KASH5: variants seen among roughly 807,000 people sequenced by gnomAD.
KASH5 encodes the protein protein KASH5.
Under a neutral mutation model 84.2 loss-of-function variants are expected in KASH5, and 72 were observed. The ratio of observed to expected loss-of-function variants is 0.85; its 90% CI spans 0.71 to 1.04. The LOEUF (loss-of-function observed/expected upper bound fraction) is 1.04. KASH5 is among the 50% of genes least tolerant of loss of function. KASH5 has a pLI of 0.00. For missense variants in KASH5, 650 were observed against 701.0 expected (o/e 0.93, Z 0.82); for synonymous variants, 260 against 279.1 (o/e 0.93, Z 0.68).
In KASH5 at chr19:49,406,905, A is replaced by C. The variant is rs2122184253; in HGVS notation, c.818A>C (p.Glu273Ala). 6.2e-7 allele frequency: 1 copy of C among 1,606,428 alleles called. No homozygotes were observed. Among genetic ancestry groups the C allele is most frequent in the Admixed American group, 1.7e-5 (1 of 59,012 alleles). Reference protein sequence around the residue: ...LQEENGKLLAERDGVKKRSQE... With the variant: ...LQEENGKLLAARDGVKKRSQE... ...TTCTAGAACGGGAAGCTGCTTGCCG[A>C]GCGGGATGGAGTGAAAAAGAGAAGT... is the stretch of plus-strand genomic sequence containing the variant. The change falls in exon 10 of 20, where the codon GAG becomes GCG. Residue 273 changes from glutamate to alanine, a missense_variant. Glu to Ala is a moderately radical substitution (Grantham distance 107). Transcript: ENST00000447857.
intron 9 of KASH5, among the ~76,000 whole-genome samples, chr19:49,401,553 T>C (rs1393959373): frequency 6.6e-6 from 1 of 152,144 alleles, no homozygotes; most frequent in Non-Finnish European, 1.5e-5. Flanking sequence ...CTGAGAGTGC[T>C]CTGGGAAGTA....
chr19:49,407,656 C>A lies in KASH5; in HGVS notation c.978C>A (p.Tyr326Ter). The change falls in exon 12 of 20, where the codon TAC becomes TAA. Residue 326 changes from tyrosine (Y) to a stop codon, truncating the protein, a stop_gained. Coordinates refer to ENST00000447857, the MANE Select transcript of KASH5 (RefSeq NM_144688.5). LOFTEE classifies it high-confidence loss of function. The part of the protein sequence containing the change: ...VESLAQTLEE[Y>*]RVTTQELRLE... ...GCCTGGCCCAGACCCTGGAAGAATA[C>A]AGAGTGACGACGCAGGTAACTCAGC... 6.2e-7 allele frequency: 1 copy of A among 1,604,862 alleles called. No homozygotes were observed. Among genetic ancestry groups the A allele is most frequent in the Non-Finnish European group, 8.5e-7 (1 of 1,175,740 alleles).
At chr19:49,405,956 CAA>C (rs59895865) in intron 9 of KASH5, among the ~76,000 whole-genome samples, 49 of 67,824 alleles carry the variant, frequency 7.2e-4, no homozygotes, top group Admixed American at 1.1e-3. Flanking sequence ...AACTCCGTCT[CAA>C]AAAAAAAAAA....
At chr19:49,394,143 G>C (rs11083973) in intron 2 of KASH5, among the ~76,000 whole-genome samples, 48,051 of 151,922 alleles carry the variant, frequency 0.32, 8,750 homozygotes, top group African/African-American at 0.51. Context: ...TGCCCTCCCC[G>C]ACCCTGTCCC....
At chr19:49,389,023 A>T (rs1339418713) in intron 1 of KASH5, among the ~76,000 whole-genome samples, 1 of 151,598 alleles carries the variant, frequency 6.6e-6, no homozygotes. Flanking sequence ...CCCCCGCAGA[A>T]ATCAAGACCC....
Position 49,395,138 on chromosome 19 carries a change from C to T in KASH5, c.181C>T (p.Leu61=), listed in dbSNP as rs1451592912. The part of the protein sequence containing the change: ...TVAVAQVLAY[L]EAVTGQGPQD... Reference sequence around the variant, plus strand: ...GGCTGTGGCCCAGGTGCTGGCCTACCTGGAGGCTGTGACAGGCCAGGGCCC... The same window carrying T: ...GGCTGTGGCCCAGGTGCTGGCCTACTTGGAGGCTGTGACAGGCCAGGGCCC... Residue 61 remains leucine (L), a synonymous_variant, in exon 4 of 20, where the codon CTG becomes TTG. Transcript: ENST00000447857. The surrounding 1 kb of genome is among the most constrained non-coding windows in gnomAD (Gnocchi z 4.4). The T allele has an allele frequency of 3.7e-6, 6 of 1,611,712 alleles. No homozygotes were observed. Among genetic ancestry groups the T allele is most frequent in the South Asian group, 2.2e-5 (2 of 90,956 alleles).
chr19:49,400,215 G>T (rs182940987), intron 9 of KASH5, among the ~76,000 whole-genome samples: 4 of 117,188 alleles, frequency 3.4e-5, no homozygotes, highest in Admixed American at 1.0e-4. Flanking sequence ...ATGACAGAGC[G>T]AGAGCCTCTC....
intron 15 of KASH5, among the ~76,000 whole-genome samples, chr19:49,410,115 G>T (rs1360267348): frequency 6.6e-6 from 1 of 152,216 alleles, no homozygotes; most frequent in Non-Finnish European, 1.5e-5. Flanking sequence ...CACACAAGTT[G>T]CACTGTGGCT....
At chr19:49,389,758 A>G (rs1170203587) in intron 1 of KASH5, 1 of 152,408 alleles carries the variant, frequency 6.6e-6, no homozygotes, top group African/African-American at 2.4e-5. Flanking sequence ...TCTAGCCCCC[A>G]GAGTGCGGCC....
intron 2 of KASH5, among the ~76,000 whole-genome samples, chr19:49,392,948 TG>T (rs1164728866): frequency 6.7e-6 from 1 of 148,284 alleles, no homozygotes; most frequent in East Asian, 1.9e-4. Context: ...GAAAACAGAC[TG>T]GGGCTAAAGC....
chr19:49,390,773 CTG>C lies in KASH5; in HGVS notation c.-95-15_-95-14del. ...GTGGCTGCTCTGAGGACACCATTTC[CTG>C]CTTCTCCTTCCAGGAGTGCTCGGGC... On this transcript the variant is annotated splice_polypyrimidine_tract_variant and intron_variant, in intron 1 of 19. Transcript: ENST00000447857. The C allele has an allele frequency of 1.0e-5, 13 of 1,280,556 alleles. No individual in the cohort carries two copies. Among genetic ancestry groups the C allele is most frequent in the Non-Finnish European group, 1.3e-5 (12 of 949,908 alleles). 79.3% of individuals were successfully genotyped at this position (1,280,556 alleles called of 1,614,324 possible). A position where few individuals can be genotyped will look rare whatever the true frequency, so the allele number is the denominator to read the frequency against.
At position 49,399,828 on chromosome 19, in the gene KASH5, G is replaced by C. The variant is rs10421723; in HGVS notation, c.798+321G>C. On this transcript the variant is annotated intron_variant, in intron 9 of 19. Coordinates refer to ENST00000447857, the MANE Select transcript of KASH5 (RefSeq NM_144688.5). This position sits in a 1 kb window ranked among gnomAD's most constrained non-coding sequence, Gnocchi z 4.4. ...TGGCATCTGCCTCAGTGGTTTGTGT[G>C]AGACTTCAACCGAAGGATACTTGCA... 0.54 allele frequency: 264,249 copies of C among 493,658 alleles called. 71,182 individuals carry two copies. Among genetic ancestry groups the C allele is most frequent in the South Asian group, 0.64 (16,718 of 26,028 alleles). 30.6% of individuals were successfully genotyped at this position (493,658 alleles called of 1,614,324 possible).
At chr19:49,407,502 C>T in intron 11 of KASH5, 110 bp from the exon 12 acceptor site, 1 of 1,255,592 alleles carries the variant, frequency 8.0e-7, no homozygotes, top group Non-Finnish European at 1.1e-6. Flanking sequence ...CCCAGCTCTT[C>T]CCTCAAGCTC....
At position 49,416,711 on chromosome 19, in the gene KASH5, C is replaced by T. The variant is rs1455136476; in HGVS notation, c.1375-304C>T. ...CACTCACTATGTACCAGGCGCTGTCCAAGCTATTGCCCCCGCCTTTTTTTT... is the reference window on the plus strand; with the variant it reads ...CACTCACTATGTACCAGGCGCTGTCTAAGCTATTGCCCCCGCCTTTTTTTT... On this transcript the variant is annotated intron_variant, in intron 17 of 19. Coordinates refer to ENST00000447857, the MANE Select transcript of KASH5 (RefSeq NM_144688.5). The surrounding 1 kb of genome is among the most constrained non-coding windows in gnomAD (Gnocchi z 5.4). 2.6e-5 allele frequency among the ~76,000 whole-genome samples: 4 copies of T among 152,154 alleles called. No individual in the cohort carries two copies. Among genetic ancestry groups the T allele is most frequent in the Non-Finnish European group, 5.9e-5 (4 of 68,042 alleles).
chr19:49,403,841 T>G (rs1974442897), intron 9 of KASH5, among the ~76,000 whole-genome samples: 1 of 152,224 alleles, frequency 6.6e-6, no homozygotes, highest in African/African-American at 2.4e-5. Context: ...ACTGGAGCTA[T>G]TCTTGGTTCC....
At position 49,390,827 on chromosome 19, in the gene KASH5, C is replaced by T; in HGVS notation, c.-57C>T. 6.5e-7 allele frequency: 1 copy of T among 1,543,694 alleles called. No homozygotes were observed. Among genetic ancestry groups the T allele is most frequent in the Non-Finnish European group, 8.7e-7 (1 of 1,142,988 alleles). On this transcript the variant is annotated 5_prime_UTR_variant, in exon 2 of 20. Transcript: ENST00000447857. ...AGCTGGTCCTTTTCCCATCCCTCCC[C>T]ATGAAGGAGGGAGGCTGGTAGCTTT...
chr19:49,411,322 C>T (rs1010234609), intron 15 of KASH5, among the ~76,000 whole-genome samples: 1 of 152,046 alleles, frequency 6.6e-6, no homozygotes, highest in African/African-American at 2.4e-5. Context: ...AACTGCACCA[C>T]TTCAAAGCTC....
intron 6 of KASH5, 91 bp downstream of exon 6, chr19:49,397,808 G>A (rs1974230795): frequency 2.0e-6 from 3 of 1,506,792 alleles, no homozygotes; most frequent in Non-Finnish European, 2.7e-6. Context: ...GGATCCTTCA[G>A]GGAAATGAAT....
rs1057275403 is a variant in KASH5, at chr19:49,416,886, G to A, written c.1375-129G>A. On this transcript the variant is annotated intron_variant, in intron 17 of 19. Transcript: ENST00000447857. The surrounding 1 kb of genome is among the most constrained non-coding windows in gnomAD (Gnocchi z 5.4). ...GCAGAAATGGGAACCCGACCTGGCA[G>A]CAGAAGTGCACTCACTTATCTCCTG... The A allele has an allele frequency of 6.7e-6, 6 of 893,576 alleles. No homozygotes were observed. Among genetic ancestry groups the A allele is most frequent in the Admixed American group, 2.1e-5 (1 of 47,030 alleles). The allele number at this position is 893,576 out of a possible 1,614,324, so 55.4% of individuals were successfully genotyped here. A position where few individuals can be genotyped will look rare whatever the true frequency, so the allele number is the denominator to read the frequency against.
Sources: allele counts gnomAD v4.1 joint callset (sites outside exome capture counted in the v4.1 genomes callset), GRCh38; gene constraint gnomAD v4.1.1; non-coding constraint Gnocchi (gnomAD v3.1); transcripts MANE v1.5; gene names NCBI Gene and HGNC (gene_info 2026-07-23, HGNC 2026-07-21).